The following MLLT3 variants were observed in gnomAD, a reference collection of about 807,000 sequenced individuals.
MLLT3 encodes MLLT3 super elongation complex subunit.
Under a neutral mutation model 53.2 loss-of-function variants are expected in MLLT3, and 4 were observed. That is an observed-to-expected ratio of 0.08 (90% CI 0.04 to 0.17). The LOEUF is 0.17. MLLT3 is among the 10% of genes least tolerant of loss of function. The pLI is 1.00. For missense variants in MLLT3, 569 were observed against 684.0 expected (o/e 0.83, Z 1.87); for synonymous variants, 283 against 230.6 (o/e 1.23, Z -2.06).
chr9:20,587,411 A>G (rs1820000922), intron 2 of MLLT3, among the ~76,000 whole-genome samples: 1 of 152,154 alleles, frequency 6.6e-6, no homozygotes, highest in Non-Finnish European at 1.5e-5. Flanking sequence ...AAACTTTTTC[A>G]CTGCATGGCC....
chr9:20,364,441 T>C (rs1291342581), intron 6 of MLLT3, among the ~76,000 whole-genome samples: 1 of 152,198 alleles, frequency 6.6e-6, no homozygotes, highest in Admixed American at 6.5e-5. Flanking sequence ...AAATAGATAG[T>C]TTTAATCTTA....
At chr9:20,496,934 C>T (rs1038589594) in intron 2 of MLLT3, among the ~76,000 whole-genome samples, 3 of 152,296 alleles carry the variant, frequency 2.0e-5, no homozygotes, top group East Asian at 3.9e-4. Context: ...GTGGGGACAC[C>T]ACTGATCCTC....
rs777249869 is a variant in MLLT3, at chr9:20,413,954, T to G, written c.892A>C (p.Arg298=). 1 of 1,613,262 alleles carries G rather than the reference T, an allele frequency of 6.2e-7. No homozygotes were observed. The highest frequency in any genetic ancestry group is 1.1e-5 in the South Asian group (1 of 90,932). Residue 298 remains arginine (R), a synonymous_variant, in exon 5 of 11, where the codon AGG becomes CGG. Coordinates refer to ENST00000380338, the MANE Select transcript of MLLT3 (RefSeq NM_004529.4). The part of the protein sequence containing the change: ...SDSEELSAKK[R]KKSSSEALFK... ...AAAGCCTCTGAGCTACTCTTTTTCC[T>G]TTTTTTGGCTGAGAGTTCTTCAGAA...
At chr9:20,439,815 T>TC (rs1202575866) in intron 4 of MLLT3, among the ~76,000 whole-genome samples, 1 of 152,206 alleles carries the variant, frequency 6.6e-6, no homozygotes, top group Non-Finnish European at 1.5e-5. Flanking sequence ...ACAGAGGTTA[T>TC]AGTCACCAGA....
chr9:20,352,679 A>C (rs1821057929), intron 10 of MLLT3, among the ~76,000 whole-genome samples: 1 of 151,770 alleles, frequency 6.6e-6, no homozygotes, highest in African/African-American at 2.4e-5. Context: ...ATGTACACAG[A>C]ATATAAATGT....
intron 2 of MLLT3, among the ~76,000 whole-genome samples, chr9:20,536,539 T>C (rs1297277436): frequency 1.3e-5 from 2 of 152,204 alleles, no homozygotes; most frequent in African/African-American, 2.4e-5. Flanking sequence ...ATATGCCTAC[T>C]GTTCTCTCGG....
rs375169457 is a variant in MLLT3 at position 20,346,395 on chromosome 9, C to CAAAAAAAAAAAAAAAAAAAACA, written c.*47_*48insTGTTTTTTTTTTTTTTTTTTTT. 4 of 1,002,464 alleles carry CAAAAAAAAAAAAAAAAAAAACA rather than the reference C, an allele frequency of 4.0e-6. No homozygotes were observed. The highest frequency in any genetic ancestry group is 1.9e-5 in the African/African-American group (1 of 52,038). 62.1% of individuals were successfully genotyped at this position (1,002,464 alleles called of 1,614,324 possible). A position where few individuals can be genotyped will look rare whatever the true frequency, so the allele number is the denominator to read the frequency against. On this transcript the variant is annotated 3_prime_UTR_variant, in exon 11 of 11. Coordinates refer to ENST00000380338, the MANE Select transcript of MLLT3 (RefSeq NM_004529.4). The stretch of plus-strand genomic sequence containing the variant: ...AATCACAACCAAAAAAAAAAAAAAC[C>CAAAAAAAAAAAAAAAAAAAACA]AAAAAAAAAAAACACAATAGTTCTT...
Position 20,621,712 on chromosome 9 carries a change from G to A in MLLT3, c.12+533C>T. ...CCGGCGCTGGGGCAAAGTTGCGTGC[G>A]GCCCCGCCGCTGTCAGCCCCGCACA... On this transcript the variant is annotated intron_variant, in intron 1 of 10. Transcript: ENST00000380338. The surrounding 1 kb of genome is among the most constrained non-coding windows in gnomAD (Gnocchi z 7.0). The A allele has an allele frequency of 6.8e-7, 1 of 1,465,972 alleles. No homozygotes were observed. Among genetic ancestry groups the A allele is most frequent in the Non-Finnish European group, 9.0e-7 (1 of 1,108,058 alleles). 90.8% of individuals were successfully genotyped at this position (1,465,972 alleles called of 1,614,324 possible). A position where few individuals can be genotyped will look rare whatever the true frequency, so the allele number is the denominator to read the frequency against.
chr9:20,461,068 T>TCTAATTGGG (rs1824096710), intron 2 of MLLT3, among the ~76,000 whole-genome samples: 1 of 152,146 alleles, frequency 6.6e-6, no homozygotes, highest in Admixed American at 6.5e-5. Context: ...ACTCCAAGAC[T>TCTAATTGGG]CTAATTGGGA....
At chr9:20,462,883 T>C (rs972869429) in intron 2 of MLLT3, among the ~76,000 whole-genome samples, 2 of 152,038 alleles carry the variant, frequency 1.3e-5, no homozygotes, top group Non-Finnish European at 2.9e-5. Context: ...GGATAAAGTA[T>C]ACAAGGCCTG....
chr9:20,621,903 G>A lies in MLLT3; in HGVS notation c.12+342C>T, dbSNP rs760486598. 1.4e-5 allele frequency: 7 copies of A among 518,080 alleles called. No individual in the cohort carries two copies. The highest frequency in any genetic ancestry group is 2.9e-5 in the African/African-American group (1 of 34,396). The allele number at this position is 518,080 out of a possible 1,614,324, so 32.1% of individuals were successfully genotyped here. ...GAGTTATTATTCGCCTCCTTCCACC[G>A]TGTGTGTGTGTGTGTGTGAGTGCGC... is the stretch of plus-strand genomic sequence containing the variant. On this transcript the variant is annotated intron_variant, in intron 1 of 10. Coordinates refer to ENST00000380338, the MANE Select transcript of MLLT3 (RefSeq NM_004529.4). The surrounding 1 kb of genome is among the most constrained non-coding windows in gnomAD (Gnocchi z 7.0).
At chr9:20,460,361 T>C (rs1316898560) in intron 2 of MLLT3, among the ~76,000 whole-genome samples, 1 of 152,234 alleles carries the variant, frequency 6.6e-6, no homozygotes, top group East Asian at 1.9e-4. Flanking sequence ...TTAAAATCTT[T>C]AGGTGACAAT....
At position 20,620,095 on chromosome 9, in the gene MLLT3, A is replaced by G. The variant is rs1435832471; in HGVS notation, c.193+559T>C. Among the ~76,000 whole-genome samples, 3 of 152,116 alleles carry G rather than the reference A, an allele frequency of 2.0e-5. No homozygotes were observed. Among genetic ancestry groups the G allele is most frequent in the Non-Finnish European group, 2.9e-5 (2 of 68,014 alleles). ...GTGGGTGTGGCGGTGGCTAAGCCAC[A>G]AAAAGAAAAGTCTATGGCAACTGGC... On this transcript the variant is annotated intron_variant, in intron 2 of 10. Transcript: ENST00000380338. This position sits in a 1 kb window ranked among gnomAD's most constrained non-coding sequence, Gnocchi z 6.1.
Position 20,391,120 on chromosome 9 carries a change from G to A in MLLT3, c.1125+22601C>T, listed in dbSNP as rs1038732591. Among the ~76,000 whole-genome samples, 14 of 152,156 alleles carry A rather than the reference G, an allele frequency of 9.2e-5. 1 individual carries two copies. The highest frequency in any genetic ancestry group is 3.4e-4 in the African/African-American group (14 of 41,428). Reference sequence around the variant, plus strand: ...CACCTGTTGGCAATTTTGGACAACGGTTTGCTAGGTGATTTGCTGGATTTC... The same window carrying A: ...CACCTGTTGGCAATTTTGGACAACGATTTGCTAGGTGATTTGCTGGATTTC... On this transcript the variant is annotated intron_variant, in intron 5 of 10. Transcript: ENST00000380338.
At chr9:20,402,828 A>C (rs1345597356) in intron 5 of MLLT3, among the ~76,000 whole-genome samples, 1 of 152,168 alleles carries the variant, frequency 6.6e-6, no homozygotes, top group Non-Finnish European at 1.5e-5. Context: ...GACATGAAGC[A>C]CTGCAGGTGG....
At chr9:20,443,300 GTGCTTTCTTCGTAGAAGCACAA>G (rs1823599586) in intron 4 of MLLT3, among the ~76,000 whole-genome samples, 1 of 152,112 alleles carries the variant, frequency 6.6e-6, no homozygotes, top group African/African-American at 2.4e-5. Context: ...TGCCTATTTT[GTGCTTTCTTCGTAGAAGCACAA>G]GGATCCAACT....
rs1044332623 is a variant in MLLT3, at chr9:20,433,915, C to T, written c.420+14208G>A. Among the ~76,000 whole-genome samples the T allele has an allele frequency of 6.0e-5, 9 of 150,806 alleles. 1 individual carries two copies. Among genetic ancestry groups the T allele is most frequent in the African/African-American group, 2.2e-4 (9 of 40,548 alleles). On this transcript the variant is annotated intron_variant, in intron 4 of 10. Transcript: ENST00000380338. Reference sequence around the variant, plus strand: ...AGATCATGAGGTCAAGAGATCGAGACCATACTGGCCAACATGATGAAACCC... The same window carrying T: ...AGATCATGAGGTCAAGAGATCGAGATCATACTGGCCAACATGATGAAACCC...
intron 2 of MLLT3, among the ~76,000 whole-genome samples, chr9:20,573,345 A>G (rs1206663389): frequency 6.6e-6 from 1 of 151,862 alleles, no homozygotes; most frequent in Non-Finnish European, 1.5e-5. Context: ...GTGCCTGGCT[A>G]ATTTTCTGTA....
At chr9:20,461,537 C>T (rs1165527150) in intron 2 of MLLT3, among the ~76,000 whole-genome samples, 2 of 151,744 alleles carry the variant, frequency 1.3e-5, no homozygotes, top group Admixed American at 1.3e-4. Flanking sequence ...GAAATAAATG[C>T]TCTGTAAATG....
Sources: gnomAD v4.1 joint callset for allele counts (sites outside exome capture counted in the v4.1 genomes callset) on GRCh38, gnomAD v4.1.1 for gene constraint, Gnocchi (gnomAD v3.1) non-coding constraint, MANE v1.5 for transcripts, NCBI Gene and HGNC (gene_info 2026-07-23, HGNC 2026-07-21) for gene names.